NLRP3: variants seen among roughly 807,000 people sequenced by gnomAD.
NLRP3 encodes the protein NLR family pyrin domain containing 3, also known as NACHT, LRR and PYD domains-containing protein 3.
Under a neutral mutation model 91.3 loss-of-function variants are expected in NLRP3, and 48 were observed. That is an observed-to-expected ratio of 0.53 (90% CI 0.42 to 0.67). NLRP3 has a LOEUF of 0.67. NLRP3 is among the 30% of genes least tolerant of loss of function. NLRP3 has a pLI of 0.00. For missense variants in NLRP3, 982 were observed against 1,276.9 expected, an observed-to-expected ratio of 0.77 and a Z score of 3.52; for synonymous variants, 561 against 507.9, an observed-to-expected ratio of 1.10 and a Z score of -1.41.
chr1:247,445,325 C>G (rs1305968426), intron 9 of NLRP3, among the ~76,000 whole-genome samples: 1 of 152,132 alleles, frequency 6.6e-6, no homozygotes, highest in Non-Finnish European at 1.5e-5. Flanking sequence ...CTCGGCCTCC[C>G]AAGTAGCTGG....
In NLRP3 at chr1:247,448,711, CA is replaced by C. The variant is rs1664762801; in HGVS notation, c.*209del. 4.9e-6 allele frequency: 3 copies of C among 614,866 alleles called. No individual in the cohort carries two copies. Among genetic ancestry groups the C allele is most frequent in the African/African-American group, 1.8e-5 (1 of 54,470 alleles). 38.1% of individuals were successfully genotyped at this position (614,866 alleles called of 1,614,324 possible). A position where few individuals can be genotyped will look rare whatever the true frequency, so the allele number is the denominator to read the frequency against. ...CGCCAGGGTGAGGAAGACACCAGGACAATGACAGCATCGGGTGTTGTTGTCA... is the reference window on the plus strand; with the variant it reads ...CGCCAGGGTGAGGAAGACACCAGGACATGACAGCATCGGGTGTTGTTGTCA... On this transcript the variant is annotated 3_prime_UTR_variant, in exon 10 of 10. Coordinates refer to ENST00000336119, the MANE Select transcript of NLRP3 (RefSeq NM_001243133.2).
At chr1:247,447,973 G>A (rs1373275367) in intron 9 of NLRP3, among the ~76,000 whole-genome samples, 1 of 149,946 alleles carries the variant, frequency 6.7e-6, no homozygotes, top group Non-Finnish European at 1.5e-5. Flanking sequence ...CAACTAGATA[G>A]TTAAAAATAT....
intron 5 of NLRP3, among the ~76,000 whole-genome samples, chr1:247,431,936 T>C (rs1324101673): frequency 6.6e-6 from 1 of 152,174 alleles, no homozygotes; most frequent in African/African-American, 2.4e-5. Context: ...TCTCGCCGTG[T>C]TGCCCAGGCT....
intron 5 of NLRP3, among the ~76,000 whole-genome samples, chr1:247,430,090 A>G (rs924376287): frequency 7.2e-5 from 11 of 151,856 alleles, no homozygotes; most frequent in African/African-American, 1.9e-4. Context: ...TGTCCAGGCT[A>G]GTCTCGAAGT....
rs199966373 is a variant in NLRP3 at position 247,423,986 on chromosome 1, G to A, written c.537G>A (p.Gln179=). 25 of 1,613,948 alleles carry A rather than the reference G, an allele frequency of 1.5e-5. No individual in the cohort carries two copies. The South Asian group carries it at 2.7e-4, about 18-fold the overall frequency. The change falls in exon 4 of 10, where the codon CAG becomes CAA. Residue 179 remains glutamine (Q), a synonymous_variant. Transcript: ENST00000336119. ...TCATCAAGGAGCACCGGAGCCAGCAGGAGAGGGAGCAGGAGCTTCTGGCCA... is the reference window on the plus strand; with the variant it reads ...TCATCAAGGAGCACCGGAGCCAGCAAGAGAGGGAGCAGGAGCTTCTGGCCA... ...LRLIKEHRSQ[Q]EREQELLAIG...
chr1:247,433,260 A>G (rs976006066), intron 5 of NLRP3, among the ~76,000 whole-genome samples: 5 of 152,172 alleles, frequency 3.3e-5, no homozygotes, highest in African/African-American at 1.2e-4. Context: ...TTTCCTTTCA[A>G]TATAGATGGA....
rs751500995 is a variant in NLRP3 at position 247,448,546 on chromosome 1, C to T, written c.*42C>T. On this transcript the variant is annotated 3_prime_UTR_variant, in exon 10 of 10. Transcript: ENST00000336119. ...GCCAGACGCCAGTGTTCTCCGGTCC[C>T]TCCAGCTGGGGGCCCTCAGGTGGAG... 5 of 1,255,650 alleles carry T rather than the reference C, an allele frequency of 4.0e-6. No homozygotes were observed. Among genetic ancestry groups the T allele is most frequent in the Non-Finnish European group, 5.9e-6 (5 of 852,866 alleles). 77.8% of individuals were successfully genotyped at this position (1,255,650 alleles called of 1,614,324 possible). A position where few individuals can be genotyped will look rare whatever the true frequency, so the allele number is the denominator to read the frequency against.
chr1:247,440,232 G>A (rs1483077646), intron 7 of NLRP3, among the ~76,000 whole-genome samples: 1 of 152,184 alleles, frequency 6.6e-6, no homozygotes, highest in East Asian at 1.9e-4. Context: ...GGTCACACAT[G>A]CTGAGCATTT....
intron 2 of NLRP3, among the ~76,000 whole-genome samples, chr1:247,419,700 C>T (rs1000171339): frequency 6.6e-6 from 1 of 152,170 alleles, no homozygotes; most frequent in Admixed American, 6.5e-5. Context: ...TAGTTTATTT[C>T]ACTCAGCATA....
At position 247,444,120 on chromosome 1, in the gene NLRP3, G is replaced by A. The variant is rs201260331; in HGVS notation, c.2812G>A (p.Asp938Asn). ...KLLCEGLLHPDCKLQVLELDN... is the reference protein window; with the variant it reads ...KLLCEGLLHPNCKLQVLELDN... ...ACTCTGTGAGGGACTCTTGCACCCCGACTGCAAGCTTCAGGTGTTGGAGTA... is the reference window on the plus strand; with the variant it reads ...ACTCTGTGAGGGACTCTTGCACCCCAACTGCAAGCTTCAGGTGTTGGAGTA... The change falls in exon 8 of 10, where the codon GAC (aspartate) becomes AAC (asparagine). Residue 938 changes from aspartate to asparagine, a missense_variant. By Grantham distance (23) the Asp-to-Asn change is conservative. Around this residue, in one of 5 missense-constraint regions of NLRP3, gnomAD observed 373 missense variants for 431.5 expected, o/e 0.86. Coordinates refer to ENST00000336119, the MANE Select transcript of NLRP3 (RefSeq NM_001243133.2). The A allele has an allele frequency of 8.1e-6, 13 of 1,614,042 alleles. No individual in the cohort carries two copies. Among genetic ancestry groups the A allele is most frequent in the African/African-American group, 2.7e-5 (2 of 74,926 alleles).
chr1:247,423,469 G>T (rs976008965), intron 3 of NLRP3, 120 bp downstream of exon 3: 1 of 1,182,588 alleles, frequency 8.5e-7, no homozygotes, highest in Non-Finnish European at 1.3e-6. Flanking sequence ...GAATGCAAAG[G>T]CCTGTCTCAG....
chr1:247,430,387 C>T (rs1166772481), intron 5 of NLRP3, among the ~76,000 whole-genome samples: 1 of 152,028 alleles, frequency 6.6e-6, no homozygotes, highest in Non-Finnish European at 1.5e-5. Flanking sequence ...GCCTAGTCTC[C>T]TCTTCTTACA....
chr1:247,419,093 A>G lies in NLRP3; in HGVS notation c.277+16A>G. ...CCGAAGTGGGGTGAGTGGAAGGAAG[A>G]CTTTTAAAAAAAATTGTGGCCAAGT... On this transcript the variant is annotated intron_variant, in intron 2 of 9. Coordinates refer to ENST00000336119, the MANE Select transcript of NLRP3 (RefSeq NM_001243133.2). 1.2e-6 allele frequency: 2 copies of G among 1,603,368 alleles called. No individual in the cohort carries two copies. Among genetic ancestry groups the G allele is most frequent in the Non-Finnish European group, 1.7e-6 (2 of 1,179,010 alleles).
intron 9 of NLRP3, among the ~76,000 whole-genome samples, chr1:247,446,346 G>A (rs56214009): frequency 0.19 from 28,280 of 152,134 alleles, 3,180 homozygotes; most frequent in African/African-American, 0.31. Flanking sequence ...AACGTAACTC[G>A]CATCATATCA....
chr1:247,435,939 C>A, intron 6 of NLRP3, 31 bp from the exon 7 acceptor site: 2 of 1,610,248 alleles, frequency 1.2e-6, no homozygotes, highest in Non-Finnish European at 1.7e-6. Flanking sequence ...GGGTGAGAGA[C>A]ATGACTGACA....
At chr1:247,441,511 C>T (rs556016211) in intron 7 of NLRP3, among the ~76,000 whole-genome samples, 26 of 152,258 alleles carry the variant, frequency 1.7e-4, no homozygotes, top group African/African-American at 6.3e-4. Context: ...CCTTGGCCTC[C>T]CAAAGCACTG....
In NLRP3 at chr1:247,418,503, T is replaced by C. The variant is rs1325721883; in HGVS notation, c.-298T>C. 2.5e-6 allele frequency: 1 copy of C among 400,046 alleles called. No individual in the cohort carries two copies. The highest frequency in any genetic ancestry group is 4.7e-6 in the Non-Finnish European group (1 of 211,288). 24.8% of individuals were successfully genotyped at this position (400,046 alleles called of 1,614,324 possible). On this transcript the variant is annotated 5_prime_UTR_variant, in exon 2 of 10. It removes an upstream start codon present in the reference 5' UTR. Coordinates refer to ENST00000336119, the MANE Select transcript of NLRP3 (RefSeq NM_001243133.2). The stretch of plus-strand genomic sequence containing the variant: ...TTTTAGTAGAGACACAGTTTTGCCA[T>C]GTTGGCCAGGCTGGTCTTGAATTCC...
Position 247,425,824 on chromosome 1 carries a change from TG to T in NLRP3, c.2150+229del. On this transcript the variant is annotated intron_variant, in intron 4 of 9. Transcript: ENST00000336119. The surrounding 1 kb of genome is among the most constrained non-coding windows in gnomAD (Gnocchi z 4.1). ...AAAAATAAAACAAGGAACAAATGTT[TG>T]GGGAATGCCAGTTTAGCACAAGGTA... is the stretch of plus-strand genomic sequence containing the variant. 1.7e-6 allele frequency: 1 copy of T among 572,096 alleles called. No individual in the cohort carries two copies. The highest frequency in any genetic ancestry group is 3.0e-5 in the Admixed American group (1 of 33,318). The allele number at this position is 572,096 out of a possible 1,614,324, so 35.4% of individuals were successfully genotyped here.
chr1:247,424,760 C>T lies in NLRP3; in HGVS notation c.1311C>T (p.Thr437=). ...GKSLAQTSKT[T]TAVYVFFLSS... ...GCCTTGCCCAGACATCCAAGACCAC[C>T]ACCGCGGTGTACGTCTTCTTCCTTT... Residue 437 remains threonine (T), a synonymous_variant, in exon 4 of 10, where the codon ACC becomes ACT. Coordinates refer to ENST00000336119, the MANE Select transcript of NLRP3 (RefSeq NM_001243133.2). The surrounding 1 kb of genome is among the most constrained non-coding windows in gnomAD (Gnocchi z 8.1). The T allele has an allele frequency of 6.2e-7, 1 of 1,612,998 alleles. No individual in the cohort carries two copies. The highest frequency in any genetic ancestry group is 1.3e-5 in the African/African-American group (1 of 75,050).
Sources: allele counts gnomAD v4.1 joint callset (sites outside exome capture counted in the v4.1 genomes callset), GRCh38; gene constraint gnomAD v4.1.1; regional missense constraint gnomAD v4.1.1; non-coding constraint Gnocchi (gnomAD v3.1); transcripts MANE v1.5; gene names NCBI Gene and HGNC (gene_info 2026-07-23, HGNC 2026-07-21).